WDR70: variants seen among roughly 807,000 people sequenced by gnomAD.
WDR70 encodes the protein WD repeat domain 70.
In WDR70, 53 loss-of-function variants were observed where a neutral mutation model predicts 88.6. That is an observed-to-expected ratio of 0.60 (90% CI 0.48 to 0.75). The LOEUF is 0.75. Among genes scored for constraint, WDR70 ranks in the 30% least tolerant of loss-of-function variants. The probability of loss-of-function intolerance (pLI) is 0.00; values close to 1 mark genes in which losing one functional copy is unlikely to be tolerated. For missense variants in WDR70, 610 were observed against 823.2 expected, an observed-to-expected ratio of 0.74 and a Z score of 3.17; for synonymous variants, 280 against 270.0, an observed-to-expected ratio of 1.04 and a Z score of -0.36.
At chr5:37,514,339 C>CATACATACATATAT (rs1330415670) in intron 8 of WDR70, among the ~76,000 whole-genome samples, 2 of 28,720 alleles carry the variant, frequency 7.0e-5, no homozygotes, top group African/African-American at 1.1e-4. Flanking sequence ...TTTAGAACTA[C>CATACATACATATAT]ATATATATAT....
chr5:37,684,523 T>C (rs954267741), intron 10 of WDR70, among the ~76,000 whole-genome samples: 7 of 152,346 alleles, frequency 4.6e-5, no homozygotes, highest in Admixed American at 1.3e-4. Context: ...TAATGTGGGT[T>C]CAGTCAACTA....
At chr5:37,483,255 C>A (rs1163351664) in intron 8 of WDR70, among the ~76,000 whole-genome samples, 2 of 151,616 alleles carry the variant, frequency 1.3e-5, no homozygotes, top group Non-Finnish European at 2.9e-5. Flanking sequence ...TGCGGCCTTC[C>A]GCAGTGTTTG....
chr5:37,449,276 AC>A (rs1253158913), intron 7 of WDR70, among the ~76,000 whole-genome samples: 3 of 151,738 alleles, frequency 2.0e-5, no homozygotes, highest in African/African-American at 7.3e-5. Context: ...TTTTGGAAAT[AC>A]TCCCTTAATT....
chr5:37,577,134 A>T (rs1386519159), intron 9 of WDR70, among the ~76,000 whole-genome samples: 1 of 152,238 alleles, frequency 6.6e-6, no homozygotes, highest in Non-Finnish European at 1.5e-5. Context: ...AGTGAGCAGG[A>T]TAGCTCCCAA....
chr5:37,736,488 G>C (rs890007795), intron 17 of WDR70, among the ~76,000 whole-genome samples: 4 of 152,088 alleles, frequency 2.6e-5, no homozygotes, highest in Non-Finnish European at 5.9e-5. Context: ...TGCACAGAGA[G>C]AAAATATATT....
chr5:37,470,273 A>G (rs1739288734), intron 7 of WDR70, among the ~76,000 whole-genome samples: 5 of 152,178 alleles, frequency 3.3e-5, no homozygotes, highest in Admixed American at 3.3e-4. Context: ...GTGGTAGTGT[A>G]CCCATTTGAT....
chr5:37,719,085 A>G (rs924181922), intron 13 of WDR70, among the ~76,000 whole-genome samples: 3 of 152,180 alleles, frequency 2.0e-5, no homozygotes, highest in Admixed American at 6.6e-5. Flanking sequence ...ATAGGGTTTC[A>G]TAAACATGAC....
chr5:37,518,825 G>T (rs1740979879), intron 9 of WDR70, among the ~76,000 whole-genome samples: 1 of 151,970 alleles, frequency 6.6e-6, no homozygotes, highest in Non-Finnish European at 1.5e-5. Context: ...CTAGGCAGAG[G>T]TCCCTGCAGC....
intron 13 of WDR70, among the ~76,000 whole-genome samples, chr5:37,715,627 C>T (rs1005393609): frequency 4.6e-5 from 7 of 152,086 alleles, no homozygotes; most frequent in African/African-American, 1.7e-4. Flanking sequence ...GCAAGGCCAT[C>T]CCAAGTTTGA....
intron 17 of WDR70, among the ~76,000 whole-genome samples, chr5:37,734,200 C>G (rs1402014650): frequency 6.6e-6 from 1 of 151,962 alleles, no homozygotes; most frequent in South Asian, 2.1e-4. Flanking sequence ...TTTAAAATAA[C>G]CATCAGTGAT....
intron 9 of WDR70, among the ~76,000 whole-genome samples, chr5:37,568,256 G>C (rs1267604038): frequency 9.9e-5 from 15 of 152,168 alleles, no homozygotes; most frequent in Admixed American, 9.8e-4. Context: ...GGAAGTGTTT[G>C]GCAGGTGTGG....
rs138139723 is a variant in WDR70, at chr5:37,716,332, T to C, written c.1417-4783T>C. On this transcript the variant is annotated intron_variant, in intron 13 of 17. Transcript: ENST00000265107. ...ATGTTACGCAGGCATTGATTTCTTT[T>C]ATAGTAACATTTGTGAACTGGGAAC... Among the ~76,000 whole-genome samples the C allele has an allele frequency of 1.2e-4, 19 of 152,340 alleles. No individual in the cohort carries two copies. The East Asian group carries it at 3.7e-3, about 29-fold the overall frequency.
At chr5:37,483,851 G>A (rs557944229) in intron 8 of WDR70, among the ~76,000 whole-genome samples, 129 of 151,010 alleles carry the variant, frequency 8.5e-4, no homozygotes, top group African/African-American at 2.4e-3. Context: ...GGCGGCTGCC[G>A]GGTGGAGGGG....
At chr5:37,444,365 G>A (rs1347236891) in intron 7 of WDR70, among the ~76,000 whole-genome samples, 66 of 117,682 alleles carry the variant, frequency 5.6e-4, no homozygotes, top group Admixed American at 2.8e-3. Flanking sequence ...TTGAGACAGG[G>A]TCTGGCTCTG....
At chr5:37,490,256 G>T (rs1422443492) in intron 8 of WDR70, among the ~76,000 whole-genome samples, 1 of 152,160 alleles carries the variant, frequency 6.6e-6, no homozygotes, top group Non-Finnish European at 1.5e-5. Flanking sequence ...GCAGGGCAGG[G>T]TGATCAACAT....
chr5:37,721,353 G>A, intron 14 of WDR70, 138 bp downstream of exon 14: 1 of 710,752 alleles, frequency 1.4e-6, no homozygotes, highest in Non-Finnish European at 2.4e-6. Flanking sequence ...ACAAAGTAAA[G>A]CCTCAAACTC....
At chr5:37,465,555 T>C (rs1236301603) in intron 7 of WDR70, among the ~76,000 whole-genome samples, 2 of 152,120 alleles carry the variant, frequency 1.3e-5, no homozygotes, top group Non-Finnish European at 2.9e-5. Flanking sequence ...CTGATTTGGA[T>C]TTAGGAACCA....
In WDR70 at chr5:37,396,490, A is replaced by G. The variant is rs1222850670; in HGVS notation, c.412A>G (p.Ile138Val). The G allele has an allele frequency of 6.2e-7, 1 of 1,614,038 alleles. No homozygotes were observed. The highest frequency in any genetic ancestry group is 1.7e-5 in the Admixed American group (1 of 59,994). Reference protein sequence around the residue: ...GKPVNFMEEDILGPLPPPLNE... With the variant: ...GKPVNFMEEDVLGPLPPPLNE... ...ACCAGTTAATTTTATGGAGGAAGAT[A>G]TCCTCGGTCCTTTACCTCCACCTCT... The change falls in exon 5 of 18, where the codon ATC becomes GTC. Residue 138 changes from isoleucine (I) to valine (V), a missense_variant. Transcript: ENST00000265107.
intron 10 of WDR70, among the ~76,000 whole-genome samples, chr5:37,676,721 T>C (rs1404385965): frequency 6.6e-6 from 1 of 151,704 alleles, no homozygotes; most frequent in Admixed American, 6.6e-5. Flanking sequence ...TCTGCCAGGC[T>C]TTGGTATCAG....
Sources: allele counts gnomAD v4.1 joint callset (sites outside exome capture counted in the v4.1 genomes callset), GRCh38; gene constraint gnomAD v4.1.1; transcripts MANE v1.5; gene names NCBI Gene and HGNC (gene_info 2026-07-23, HGNC 2026-07-21).